FGF14: variants seen among roughly 807,000 people sequenced by gnomAD.
The protein encoded by FGF14 is fibroblast growth factor homologous factor 4.
In FGF14, 5 loss-of-function variants were observed where a neutral mutation model predicts 25.5. The ratio of observed to expected loss-of-function variants is 0.20; its 90% confidence interval spans 0.10 to 0.41. FGF14 has a LOEUF of 0.41. Ranked by LOEUF, FGF14 falls within the 10% of genes least tolerant of loss-of-function variation. The pLI is 1.00. For missense variants in FGF14, 222 were observed against 320.1 expected, an observed-to-expected ratio of 0.69 and a Z score of 2.34; for synonymous variants, 138 against 118.3, an observed-to-expected ratio of 1.17 and a Z score of -1.08.
chr13:102,006,252 G>T (rs1044742150), intron 1 of FGF14, among the ~76,000 whole-genome samples: 7 of 152,112 alleles, frequency 4.6e-5, no homozygotes, highest in Admixed American at 1.3e-4. Context: ...AAGAAAAATT[G>T]TTACAAAAAA....
chr13:102,308,934 A>AC (rs1555398893), intron 1 of FGF14, among the ~76,000 whole-genome samples: 7,740 of 139,660 alleles, frequency 0.055, 765 homozygotes, highest in African/African-American at 0.18. Context: ...AAAAAAAAAA[A>AC]CACAAAAAAA....
chr13:102,348,757 A>C (rs1466634291), intron 1 of FGF14, among the ~76,000 whole-genome samples: 1 of 152,210 alleles, frequency 6.6e-6, no homozygotes, highest in Non-Finnish European at 1.5e-5. Context: ...GAAACTGAAG[A>C]AGAATCCTCC....
intron 1 of FGF14, among the ~76,000 whole-genome samples, chr13:102,083,436 A>G (rs1300370144): frequency 6.6e-6 from 1 of 151,340 alleles, no homozygotes; most frequent in Non-Finnish European, 1.5e-5. Flanking sequence ...TTTTTTTAAA[A>G]TTAACCCAAT....
intron 1 of FGF14, among the ~76,000 whole-genome samples, chr13:101,878,572 G>T (rs1308557488): frequency 2.0e-5 from 3 of 152,064 alleles, no homozygotes; most frequent in African/African-American, 4.8e-5. Context: ...AATAAAATAA[G>T]CTAAAATAAA....
At chr13:102,016,543 T>A (rs2040357263) in intron 1 of FGF14, among the ~76,000 whole-genome samples, 1 of 152,152 alleles carries the variant, frequency 6.6e-6, no homozygotes, top group South Asian at 2.1e-4. Flanking sequence ...TAGAACCAGA[T>A]TACATAGTAA....
chr13:102,289,959 G>A (rs930141391), intron 1 of FGF14, among the ~76,000 whole-genome samples: 3 of 151,942 alleles, frequency 2.0e-5, no homozygotes, highest in South Asian at 2.1e-4. Flanking sequence ...AAGTCAGAAC[G>A]TGGTAGCCTG....
intron 1 of FGF14, among the ~76,000 whole-genome samples, chr13:102,212,825 C>A (rs1056179774): frequency 2.0e-5 from 3 of 152,146 alleles, no homozygotes; most frequent in Non-Finnish European, 4.4e-5. Context: ...ACCAGCACTG[C>A]CAAGCATAGC....
At chr13:102,070,824 C>G (rs537791840) in intron 1 of FGF14, among the ~76,000 whole-genome samples, 1 of 152,240 alleles carries the variant, frequency 6.6e-6, no homozygotes, top group African/African-American at 2.4e-5. Flanking sequence ...GACTGTAGTA[C>G]AAAGACCTAT....
chr13:101,972,748 A>G (rs4372566), intron 1 of FGF14, among the ~76,000 whole-genome samples: 56,181 of 151,810 alleles, frequency 0.37, 10,821 homozygotes, highest in East Asian at 0.71. Context: ...AGCTCAAGCT[A>G]TCCTCCCGCC....
chr13:101,847,819 A>C (rs1442116522), intron 3 of FGF14, among the ~76,000 whole-genome samples: 1 of 152,100 alleles, frequency 6.6e-6, no homozygotes, highest in Non-Finnish European at 1.5e-5. Flanking sequence ...AAATCCAATG[A>C]AATTTAAAGC....
intron 1 of FGF14, among the ~76,000 whole-genome samples, chr13:102,247,041 A>G (rs1785267204): frequency 6.6e-6 from 1 of 152,158 alleles, no homozygotes; most frequent in African/African-American, 2.4e-5. Flanking sequence ...AGCCATATGC[A>G]GAAGACTGAA....
chr13:101,828,159 G>C (rs1457356597), intron 3 of FGF14, among the ~76,000 whole-genome samples: 4 of 151,806 alleles, frequency 2.6e-5, no homozygotes, highest in Admixed American at 1.3e-4. Flanking sequence ...CTTTTAAAAA[G>C]AACAACAGCC....
intron 1 of FGF14, among the ~76,000 whole-genome samples, chr13:102,284,532 A>C (rs934198389): frequency 2.6e-5 from 4 of 152,222 alleles, no homozygotes; most frequent in African/African-American, 9.6e-5. Context: ...TTATTTAAAA[A>C]TAATGAAATT....
At chr13:102,200,327 T>C (rs924797252) in intron 1 of FGF14, among the ~76,000 whole-genome samples, 4 of 152,190 alleles carry the variant, frequency 2.6e-5, no homozygotes, top group Non-Finnish European at 5.9e-5. Flanking sequence ...AGGTAAACAA[T>C]CATTACTGTT....
intron 3 of FGF14, among the ~76,000 whole-genome samples, chr13:101,766,674 T>C (rs570526791): frequency 6.6e-6 from 1 of 152,238 alleles, no homozygotes; most frequent in South Asian, 2.1e-4. Flanking sequence ...GGAAATGTGG[T>C]CTTTGCAGAT....
At position 102,202,445 on chromosome 13, in the gene FGF14, G is replaced by A. The variant is rs550745452; in HGVS notation, c.208+199026C>T. ...AGTTTATGATACTACAGAGAGAGAAGGTGATAAGTGAGGGTGATGGCCAGG... is the reference window on the plus strand; with the variant it reads ...AGTTTATGATACTACAGAGAGAGAAAGTGATAAGTGAGGGTGATGGCCAGG... On this transcript the variant is annotated intron_variant, in intron 1 of 4. Coordinates refer to the FGF14 transcript ENST00000376131. 1.2e-4 allele frequency among the ~76,000 whole-genome samples: 18 copies of A among 152,302 alleles called. No individual in the cohort carries two copies. In the South Asian group the frequency reaches 3.7e-3, roughly 32 times the overall value.
intron 1 of FGF14, among the ~76,000 whole-genome samples, chr13:101,885,052 A>G (rs899313201): frequency 1.3e-5 from 2 of 152,204 alleles, no homozygotes; most frequent in Non-Finnish European, 2.9e-5. Flanking sequence ...CTTGCTTATT[A>G]GAGCAAAAGT....
intron 1 of FGF14, among the ~76,000 whole-genome samples, chr13:102,122,506 C>T (rs921107754): frequency 1.3e-5 from 2 of 152,158 alleles, no homozygotes; most frequent in Non-Finnish European, 2.9e-5. Flanking sequence ...AGAGCGCTCT[C>T]CCCAAAATAA....
At chr13:102,180,040 A>C (rs575648931) in intron 1 of FGF14, among the ~76,000 whole-genome samples, 147 of 152,316 alleles carry the variant, frequency 9.7e-4, no homozygotes, top group Non-Finnish European at 1.8e-3. Flanking sequence ...ATGCAAAAAA[A>C]AATCTAATGC....
Sources: allele counts gnomAD v4.1 joint callset (sites outside exome capture counted in the v4.1 genomes callset), GRCh38; gene constraint gnomAD v4.1.1; transcripts MANE v1.5; gene names NCBI Gene and HGNC (gene_info 2026-07-23, HGNC 2026-07-21).